Variants in RNF115 observed in about 807,000 individuals in gnomAD.
RNF115 encodes ring finger protein 115.
A neutral mutation model predicts 39.2 loss-of-function variants in RNF115; 31 were observed. That is an observed-to-expected ratio of 0.79 (90% CI 0.59 to 1.07). The LOEUF (loss-of-function observed/expected upper bound fraction) is 1.07, where lower values mean the gene tolerates loss of function less well. RNF115 is among the 50% of genes least tolerant of loss of function. RNF115 has a pLI of 0.00. For synonymous variants in RNF115, 124 were observed against 131.0 expected, an observed-to-expected ratio of 0.95 and a Z score of 0.37; for missense variants, 384 against 381.7, an observed-to-expected ratio of 1.01 and a Z score of -0.05.
chr1:145,739,296 A>C lies in RNF115; in HGVS notation c.*7570T>G, dbSNP rs1040576941. On this transcript the variant is annotated 3_prime_UTR_variant, in exon 9 of 9. Transcript: ENST00000582693. ...CATGAATAAAGGGGTAAGAGCACAGAAATTTAGCTACAGCTCCATGGTGAG... is the reference window on the plus strand; with the variant it reads ...CATGAATAAAGGGGTAAGAGCACAGCAATTTAGCTACAGCTCCATGGTGAG... 4 of 152,252 alleles carry C rather than the reference A, an allele frequency of 2.6e-5. No individual in the cohort carries two copies. Among genetic ancestry groups the C allele is most frequent in the Non-Finnish European group, 4.4e-5 (3 of 68,060 alleles). 9.4% of individuals were successfully genotyped at this position (152,252 alleles called of 1,614,324 possible).
At chr1:145,777,296 G>A (rs1256008585) in intron 3 of RNF115, among the ~76,000 whole-genome samples, 1 of 152,056 alleles carries the variant, frequency 6.6e-6, no homozygotes, top group Non-Finnish European at 1.5e-5. Context: ...ACTCTGCTTT[G>A]ATACTAACAT....
At chr1:145,768,870 G>A (rs1489751543) in intron 4 of RNF115, among the ~76,000 whole-genome samples, 1 of 152,106 alleles carries the variant, frequency 6.6e-6, no homozygotes, top group Non-Finnish European at 1.5e-5. Context: ...GAACAATCTA[G>A]GCAGGCCTGC....
At chr1:145,819,271 CAAAAAAAAAAAAAAAAAA>C (rs59058505) in intron 1 of RNF115, among the ~76,000 whole-genome samples, 1 of 52,256 alleles carries the variant, frequency 1.9e-5, no homozygotes, top group Non-Finnish European at 3.9e-5. Context: ...CCTTATCTCT[CAAAAAAAAAAAAAAAAAA>C]AAAAAAAAAA....
intron 3 of RNF115, among the ~76,000 whole-genome samples, chr1:145,774,630 C>T (rs587745050): frequency 1.4e-4 from 21 of 152,274 alleles, no homozygotes; most frequent in Non-Finnish European, 2.9e-4. Context: ...GGATTACAGG[C>T]GTGAGCCATG....
chr1:145,800,466 G>C (rs1649178293), intron 1 of RNF115, among the ~76,000 whole-genome samples: 1 of 152,096 alleles, frequency 6.6e-6, no homozygotes, highest in African/African-American at 2.4e-5. Flanking sequence ...CAAGCCCCTT[G>C]AATCTGGGAG....
chr1:145,747,038 T>C (rs782438010), intron 8 of RNF115, 41 bp from the exon 9 acceptor site: 1 of 1,580,648 alleles, frequency 6.3e-7, no homozygotes, highest in Non-Finnish European at 8.6e-7. Flanking sequence ...GATCCTGGCC[T>C]GAGAAGCTGG....
chr1:145,791,068 G>A (rs1648642856), intron 1 of RNF115, among the ~76,000 whole-genome samples: 2 of 152,032 alleles, frequency 1.3e-5, no homozygotes, highest in Non-Finnish European at 2.9e-5. Context: ...CTTGAACCCA[G>A]GAGGCAGAGG....
At chr1:145,765,600 T>G (rs189829565) in intron 4 of RNF115, among the ~76,000 whole-genome samples, 1 of 151,850 alleles carries the variant, frequency 6.6e-6, no homozygotes, top group African/African-American at 2.4e-5. Context: ...AAGACAAGAG[T>G]ATGCTAACAA....
intron 1 of RNF115, among the ~76,000 whole-genome samples, chr1:145,819,930 T>C (rs1650160423): frequency 6.6e-6 from 1 of 151,732 alleles, no homozygotes; most frequent in African/African-American, 2.4e-5. Context: ...CCCAGGTATC[T>C]GGGAGGCTGA....
chr1:145,791,729 C>T (rs1254488622), intron 1 of RNF115, among the ~76,000 whole-genome samples: 1 of 152,032 alleles, frequency 6.6e-6, no homozygotes, highest in African/African-American at 2.4e-5. Flanking sequence ...TTCAGTAATA[C>T]ATCTTTCTTT....
chr1:145,777,496 C>T (rs1252158647), intron 3 of RNF115, among the ~76,000 whole-genome samples: 1 of 151,808 alleles, frequency 6.6e-6, no homozygotes, highest in Non-Finnish European at 1.5e-5. Context: ...AATAGTGTAC[C>T]CTGACCAAAG....
intron 3 of RNF115, among the ~76,000 whole-genome samples, chr1:145,776,179 T>C (rs1553716552): frequency 6.7e-6 from 1 of 150,160 alleles, no homozygotes; most frequent in Non-Finnish European, 1.5e-5. Context: ...TTTTTTTTTT[T>C]TTTGAGAAGG....
At chr1:145,776,620 C>A (rs1319554291) in intron 3 of RNF115, among the ~76,000 whole-genome samples, 1 of 151,958 alleles carries the variant, frequency 6.6e-6, no homozygotes, top group Non-Finnish European at 1.5e-5. Flanking sequence ...GGGTGGATCA[C>A]CTGAGGTGAG....
chr1:145,758,074 T>C (rs1348143340), intron 4 of RNF115, among the ~76,000 whole-genome samples: 1 of 152,214 alleles, frequency 6.6e-6, no homozygotes, highest in African/African-American at 2.4e-5. Context: ...CCATAAATTC[T>C]CTAGAGGTGG....
intron 1 of RNF115, among the ~76,000 whole-genome samples, chr1:145,820,588 T>C (rs1169096339): frequency 1.3e-5 from 2 of 151,774 alleles, no homozygotes. Flanking sequence ...ATACAAAAAT[T>C]AGCTGGGCAT....
At chr1:145,775,462 C>T (rs1372357782) in intron 3 of RNF115, among the ~76,000 whole-genome samples, 2 of 147,868 alleles carry the variant, frequency 1.4e-5, no homozygotes, top group Non-Finnish European at 3.0e-5. Flanking sequence ...ACGCCGTGAT[C>T]ATGGTTCACT....
intron 3 of RNF115, among the ~76,000 whole-genome samples, chr1:145,782,838 G>A (rs1241632474): frequency 1.3e-5 from 2 of 152,230 alleles, no homozygotes; most frequent in African/African-American, 4.8e-5. Flanking sequence ...AAGGCTTCCA[G>A]GACTGGCAAA....
intron 1 of RNF115, among the ~76,000 whole-genome samples, chr1:145,805,604 C>T (rs1649427681): frequency 6.6e-6 from 1 of 152,126 alleles, no homozygotes; most frequent in African/African-American, 2.4e-5. Context: ...ATAAAATATG[C>T]ACTAATAGTT....
chr1:145,751,402 A>C (rs782363604), intron 6 of RNF115, 36 bp downstream of exon 6: 50 of 1,437,394 alleles, frequency 3.5e-5, no homozygotes, highest in Non-Finnish European at 4.8e-5. Context: ...ACCATGAGAC[A>C]CACTGAACAG....
Sources: allele counts gnomAD v4.1 joint callset (sites outside exome capture counted in the v4.1 genomes callset), GRCh38; gene constraint gnomAD v4.1.1; transcripts MANE v1.5; gene names NCBI Gene and HGNC (gene_info 2026-07-23, HGNC 2026-07-21).